Variants in ZDHHC21 observed in about 807,000 individuals in gnomAD.
ZDHHC21 encodes palmitoyltransferase ZDHHC21.
Under a neutral mutation model 34.6 loss-of-function variants are expected in ZDHHC21, and 15 were observed. The ratio of observed to expected loss-of-function variants is 0.43; its 90% confidence interval spans 0.29 to 0.67. The LOEUF is 0.67. Among genes scored for constraint, ZDHHC21 ranks in the 30% least tolerant of loss-of-function variants. ZDHHC21 has a pLI of 0.14. For missense variants in ZDHHC21, 344 were observed against 327.7 expected, an observed-to-expected ratio of 1.05 and a Z score of -0.38; for synonymous variants, 142 against 101.8, an observed-to-expected ratio of 1.40 and a Z score of -2.38.
chr9:14,593,578 A>G, the ZDHHC21 span: 7 of 152,334 alleles, frequency 4.6e-5, no homozygotes, highest in Middle Eastern at 3.4e-3. Context: ...ACATGACACA[A>G]TGTTTGCTCA....
At chr9:14,686,837 G>C (rs879629804) in intron 2 of ZDHHC21, among the ~76,000 whole-genome samples, 4 of 150,328 alleles carry the variant, frequency 2.7e-5, no homozygotes, top group Admixed American at 6.6e-5. Context: ...GCTGGGCGTG[G>C]TGGTGTGTGC....
intron 3 of ZDHHC21, among the ~76,000 whole-genome samples, chr9:14,674,778 C>T (rs904851155): frequency 1.3e-5 from 2 of 151,928 alleles, no homozygotes; most frequent in Non-Finnish European, 2.9e-5. Context: ...TTTTTAGTAG[C>T]TTTAATCAGA....
Position 14,614,218 on chromosome 9 carries a change from C to T in ZDHHC21, c.*4748G>A, listed in dbSNP as rs1375183040. ...GTGGATACTCACTACTCATTTGTAC[C>T]TATTCTCTAGGGTGGACAAGGCAAA... On this transcript the variant is annotated 3_prime_UTR_variant, in exon 10 of 10. Transcript: ENST00000380916. 6.6e-6 allele frequency: 1 copy of T among 151,624 alleles called. No individual in the cohort carries two copies. The allele number at this position is 151,624 out of a possible 1,614,324, so 9.4% of individuals were successfully genotyped here.
At chr9:14,638,883 G>A (rs190055476) in intron 8 of ZDHHC21, among the ~76,000 whole-genome samples, 29 of 152,118 alleles carry the variant, frequency 1.9e-4, no homozygotes, top group African/African-American at 7.0e-4. Flanking sequence ...CAGAGAAAAG[G>A]GAACTCTTGT....
At chr9:14,602,149 T>C in the ZDHHC21 span, among the ~76,000 whole-genome samples, 1 of 151,602 alleles carries the variant, frequency 6.6e-6, no homozygotes, top group African/African-American at 2.4e-5. Flanking sequence ...AGTATAATAA[T>C]AATAATAAAA....
chr9:14,653,864 A>G (rs936603895), intron 7 of ZDHHC21, among the ~76,000 whole-genome samples: 1 of 152,146 alleles, frequency 6.6e-6, no homozygotes, highest in Admixed American at 6.6e-5. Context: ...CAACACTCAC[A>G]CCAAAAACAC....
At chr9:14,673,479 T>A (rs1158087812) in intron 4 of ZDHHC21, among the ~76,000 whole-genome samples, 7 of 151,690 alleles carry the variant, frequency 4.6e-5, no homozygotes, top group Non-Finnish European at 5.9e-5. Flanking sequence ...TTGGCCACCA[T>A]AATTCTACAT....
At chr9:14,597,170 G>A in the ZDHHC21 span, among the ~76,000 whole-genome samples, 1 of 152,084 alleles carries the variant, frequency 6.6e-6, no homozygotes, top group Admixed American at 6.5e-5. Context: ...CACACCCCGA[G>A]ACCCAAGCAA....
chr9:14,629,817 G>C (rs1311671833), intron 8 of ZDHHC21, among the ~76,000 whole-genome samples: 1 of 152,040 alleles, frequency 6.6e-6, no homozygotes, highest in Non-Finnish European at 1.5e-5. Flanking sequence ...GGAAGGCCGA[G>C]GCAGGTGGAT....
downstream of ZDHHC21, among the ~76,000 whole-genome samples, chr9:14,606,110 T>C (rs187013275): frequency 7.0e-4 from 107 of 152,324 alleles, no homozygotes; most frequent in Admixed American, 2.6e-3. Flanking sequence ...TTCAAGGTAG[T>C]TTAATTCTTC....
At chr9:14,687,172 G>A (rs1017894411) in intron 2 of ZDHHC21, among the ~76,000 whole-genome samples, 1 of 150,702 alleles carries the variant, frequency 6.6e-6, no homozygotes, top group Non-Finnish European at 1.5e-5. Context: ...GTTTCTGTCA[G>A]TAACGTTAGT....
intron 8 of ZDHHC21, among the ~76,000 whole-genome samples, chr9:14,621,073 A>C (rs557283111): frequency 6.6e-6 from 1 of 152,210 alleles, no homozygotes; most frequent in South Asian, 2.1e-4. Context: ...AAAGGAAGTA[A>C]GTCATTTTAA....
intron 8 of ZDHHC21, among the ~76,000 whole-genome samples, chr9:14,639,685 T>C (rs972582396): frequency 2.0e-5 from 3 of 151,130 alleles, no homozygotes; most frequent in African/African-American, 7.3e-5. Context: ...ATAAAAACAC[T>C]GTATTTGTTA....
At chr9:14,673,488 A>G (rs1835837278) in intron 4 of ZDHHC21, among the ~76,000 whole-genome samples, 1 of 151,794 alleles carries the variant, frequency 6.6e-6, no homozygotes, top group African/African-American at 2.4e-5. Context: ...ATAATTCTAC[A>G]TTTTTAAATT....
At chr9:14,692,110 T>C (rs1839243578) in intron 1 of ZDHHC21, among the ~76,000 whole-genome samples, 1 of 152,202 alleles carries the variant, frequency 6.6e-6, no homozygotes, top group Admixed American at 6.5e-5. Context: ...AAATATCTTT[T>C]TGCTTTTAAG....
chr9:14,607,168 G>A (rs1168244732), downstream of ZDHHC21, among the ~76,000 whole-genome samples: 2 of 151,262 alleles, frequency 1.3e-5, no homozygotes, highest in Non-Finnish European at 2.9e-5. Flanking sequence ...TACAGAAGAG[G>A]GTGGGCATGG....
chr9:14,688,796 A>T (rs767647815), intron 2 of ZDHHC21, among the ~76,000 whole-genome samples: 1 of 152,170 alleles, frequency 6.6e-6, no homozygotes, highest in Non-Finnish European at 1.5e-5. Flanking sequence ...CGGGAGGCGG[A>T]GGTTGCAGTG....
chr9:14,622,733 C>T, intron 8 of ZDHHC21: 1 of 985,144 alleles, frequency 1.0e-6, no homozygotes, highest in Non-Finnish European at 1.2e-6. Flanking sequence ...TGTTATATGA[C>T]TATCTCTTTT....
chr9:14,684,751 C>T (rs955607686), intron 2 of ZDHHC21, among the ~76,000 whole-genome samples: 18 of 152,084 alleles, frequency 1.2e-4, no homozygotes, highest in Non-Finnish European at 2.6e-4. Context: ...CCAAGTCAAT[C>T]CTAAGCAAAA....
Sources: allele counts gnomAD v4.1 joint callset (sites outside exome capture counted in the v4.1 genomes callset), GRCh38; gene constraint gnomAD v4.1.1; transcripts MANE v1.5; gene names NCBI Gene and HGNC (gene_info 2026-07-23, HGNC 2026-07-21).